WWOX: variants seen among roughly 807,000 people sequenced by gnomAD.
WWOX encodes the protein WW domain-containing oxidoreductase.
A neutral mutation model predicts 46.2 loss-of-function variants in WWOX; 69 were observed. That is an observed-to-expected ratio of 1.49 (90% CI 1.23 to 1.82). WWOX has a LOEUF of 1.82. Among genes scored for constraint, WWOX ranks in the 40% most tolerant of loss-of-function variants. The pLI is 0.00. For missense variants in WWOX, 919 were observed against 542.6 expected, an observed-to-expected ratio of 1.69 and a Z score of -6.89; for synonymous variants, 359 against 202.6, an observed-to-expected ratio of 1.77 and a Z score of -6.56.
chr16:78,135,500 ATATTAT>A (rs1468941372), intron 4 of WWOX, among the ~76,000 whole-genome samples: 2 of 152,186 alleles, frequency 1.3e-5, no homozygotes, highest in African/African-American at 4.8e-5. Context: ...TGTTGTTTAG[ATATTAT>A]TATAGAAGCC....
intron 8 of WWOX, among the ~76,000 whole-genome samples, chr16:78,758,503 G>C (rs2049713131): frequency 6.6e-6 from 1 of 152,238 alleles, no homozygotes; most frequent in African/African-American, 2.4e-5. Flanking sequence ...TCCCCCAAGT[G>C]TGTTTCCCTT....
intron 8 of WWOX, among the ~76,000 whole-genome samples, chr16:78,594,624 G>A (rs2045439841): frequency 6.6e-6 from 1 of 152,034 alleles, no homozygotes; most frequent in Non-Finnish European, 1.5e-5. Flanking sequence ...TCCAGAAAGG[G>A]ATGATAGCCC....
chr16:78,338,618 G>C (rs2080946053), intron 5 of WWOX, among the ~76,000 whole-genome samples: 1 of 120,910 alleles, frequency 8.3e-6, no homozygotes, highest in African/African-American at 2.8e-5. Context: ...CGGAGTTAGA[G>C]ATAGGAAAAT....
chr16:78,102,336 A>C (rs1203567683), intron 1 of WWOX, among the ~76,000 whole-genome samples: 2 of 152,194 alleles, frequency 1.3e-5, no homozygotes, highest in Non-Finnish European at 2.9e-5. Flanking sequence ...GTGAGGGTCC[A>C]GGAATGTGAA....
intron 8 of WWOX, among the ~76,000 whole-genome samples, chr16:79,083,757 GC>G (rs1298855710): frequency 6.6e-5 from 10 of 152,186 alleles, no homozygotes; most frequent in African/African-American, 2.4e-4. Context: ...CACAAAGGGA[GC>G]CGTGTGGAGC....
intron 8 of WWOX, among the ~76,000 whole-genome samples, chr16:78,813,666 C>T (rs563812711): frequency 1.1e-4 from 17 of 152,192 alleles, no homozygotes; most frequent in South Asian, 6.2e-4. Context: ...AACAAAAGGC[C>T]TCCTTTGAGA....
intron 6 of WWOX, among the ~76,000 whole-genome samples, chr16:78,400,149 C>T (rs1466177518): frequency 6.6e-6 from 1 of 152,138 alleles, no homozygotes; most frequent in Non-Finnish European, 1.5e-5. Flanking sequence ...GCTTAAACTC[C>T]TGTTATAGTT....
chr16:78,270,943 C>T (rs199824191), intron 5 of WWOX, among the ~76,000 whole-genome samples: 17 of 152,212 alleles, frequency 1.1e-4, no homozygotes, highest in Admixed American at 7.8e-4. Flanking sequence ...TTCCTGTTTG[C>T]GTTCAGGTCA....
At chr16:78,372,720 C>G (rs1189494885) in intron 5 of WWOX, among the ~76,000 whole-genome samples, 1 of 152,090 alleles carries the variant, frequency 6.6e-6, no homozygotes, top group Admixed American at 6.6e-5. Flanking sequence ...TCAGATTAAT[C>G]TTTATTTAAT....
chr16:79,003,706 C>A (rs564950958), intron 8 of WWOX, among the ~76,000 whole-genome samples: 1 of 152,154 alleles, frequency 6.6e-6, no homozygotes, highest in Non-Finnish European at 1.5e-5. Context: ...GCACCGTGGT[C>A]TCAGGGTGAT....
chr16:78,518,337 T>C (rs2043281758), intron 8 of WWOX, among the ~76,000 whole-genome samples: 1 of 152,114 alleles, frequency 6.6e-6, no homozygotes, highest in African/African-American at 2.4e-5. Context: ...GATCAAGTGA[T>C]TCTCCTGCCT....
intron 8 of WWOX, among the ~76,000 whole-genome samples, chr16:78,615,697 G>C (rs1235514706): frequency 6.9e-6 from 1 of 144,532 alleles, no homozygotes; most frequent in Non-Finnish European, 1.5e-5. Context: ...TAAATAAACA[G>C]TAGTGGTTGA....
intron 8 of WWOX, among the ~76,000 whole-genome samples, chr16:78,942,025 C>T (rs972305112): frequency 6.6e-6 from 1 of 152,106 alleles, no homozygotes; most frequent in Non-Finnish European, 1.5e-5. Flanking sequence ...GCATTTCTTT[C>T]CCACTCTCTA....
In WWOX at chr16:78,374,182, C is replaced by A. The variant is rs112655208; in HGVS notation, c.517-12678C>A. Among the ~76,000 whole-genome samples the A allele has an allele frequency of 1.1e-4, 16 of 152,310 alleles. 1 individual carries two copies. The highest frequency in any genetic ancestry group is 2.4e-4 in the African/African-American group (10 of 41,566). On this transcript the variant is annotated intron_variant, in intron 5 of 8. Transcript: ENST00000566780. ...GTTGCTCATTTGGAAGCTAATGATT[C>A]TTTCCTCCCTTTCTTCCTTTCTGTC...
intron 8 of WWOX, among the ~76,000 whole-genome samples, chr16:78,969,584 T>G (rs1216607218): frequency 6.6e-6 from 1 of 152,186 alleles, no homozygotes; most frequent in Admixed American, 6.5e-5. Flanking sequence ...CTCTTTCAAC[T>G]AGAACAGTTC....
At chr16:79,009,661 G>A (rs949171898) in intron 8 of WWOX, among the ~76,000 whole-genome samples, 2 of 152,204 alleles carry the variant, frequency 1.3e-5, no homozygotes, top group Non-Finnish European at 2.9e-5. Flanking sequence ...ATGTTGGCCA[G>A]CCTTGTCTTG....
intron 8 of WWOX, among the ~76,000 whole-genome samples, chr16:78,663,145 G>A (rs777088581): frequency 8.5e-5 from 13 of 152,102 alleles, no homozygotes; most frequent in Non-Finnish European, 1.5e-4. Context: ...GTACCCTTCA[G>A]CCAGCATTCC....
intron 8 of WWOX, among the ~76,000 whole-genome samples, chr16:79,028,877 T>G (rs1325382961): frequency 1.4e-5 from 2 of 146,256 alleles, no homozygotes; most frequent in South Asian, 2.2e-4. Context: ...AGAGATCACT[T>G]CACAGTTTCC....
intron 8 of WWOX, among the ~76,000 whole-genome samples, chr16:78,585,195 G>C (rs993178852): frequency 6.6e-6 from 1 of 152,210 alleles, no homozygotes; most frequent in Non-Finnish European, 1.5e-5. Context: ...CTGACCACAG[G>C]ACAGCTTAAA....
Sources: gnomAD v4.1 joint callset for allele counts (sites outside exome capture counted in the v4.1 genomes callset) on GRCh38, gnomAD v4.1.1 for gene constraint, MANE v1.5 for transcripts, NCBI Gene and HGNC (gene_info 2026-07-23, HGNC 2026-07-21) for gene names.